IGSF3: variants seen among roughly 807,000 people sequenced by gnomAD.
IGSF3 encodes glu-Trp-Ile EWI motif-containing protein 3.
Under a neutral mutation model 114.4 loss-of-function variants are expected in IGSF3, and 23 were observed. The observed-to-expected ratio is 0.20, with a 90% CI of 0.14 to 0.28. IGSF3 has a LOEUF of 0.28. Among genes scored for constraint, IGSF3 ranks in the 10% least tolerant of loss-of-function variants. The pLI, the probability that IGSF3 is intolerant of heterozygous loss-of-function variation, is 1.00. For missense variants in IGSF3, 1,172 were observed against 1,591.5 expected (o/e 0.74, Z 4.48); for synonymous variants, 571 against 645.2 (o/e 0.88, Z 1.74).
Position 116,608,067 on chromosome 1 carries a change from A to T in IGSF3, c.1097T>A (p.Leu366His). 6.2e-7 allele frequency: 1 copy of T among 1,613,790 alleles called. No individual in the cohort carries two copies. The highest frequency in any genetic ancestry group is 1.1e-5 in the South Asian group (1 of 91,058). Residue 366 changes from leucine to histidine, a missense_variant, in exon 5 of 11, where the codon CTC (leucine) becomes CAC (histidine). Leu to His is a moderately conservative substitution (Grantham distance 99). Around this residue, in one of 3 missense-constraint regions of IGSF3, gnomAD observed 736 missense variants for 1,042.0 expected, o/e 0.71. Coordinates refer to ENST00000369486, the MANE Select transcript of IGSF3 (RefSeq NM_001007237.3). ...GTATTTCCCGCTATCTTCCTGGCGG[A>T]GGTGGTAGATCTTCAGCACAAAGAC... Reference protein sequence around the residue: ...DSVFVLKIYHLRQEDSGKYNC... With the variant: ...DSVFVLKIYHHRQEDSGKYNC...
At chr1:116,581,199 G>A (rs551248627) in intron 9 of IGSF3, among the ~76,000 whole-genome samples, 1 of 152,212 alleles carries the variant, frequency 6.6e-6, no homozygotes, top group East Asian at 1.9e-4. Context: ...GATGTCTCAG[G>A]AGGATGTACG....
Position 116,577,268 on chromosome 1 carries a change from G to C in IGSF3, c.*44C>G. ...CTGTCCAATCACAGAGAAAGGGAGAGCCTCAGCTCCTCCGTGGCCAACATC... is the reference window on the plus strand; with the variant it reads ...CTGTCCAATCACAGAGAAAGGGAGACCCTCAGCTCCTCCGTGGCCAACATC... On this transcript the variant is annotated 3_prime_UTR_variant, in exon 11 of 11. Coordinates refer to ENST00000369486, the MANE Select transcript of IGSF3 (RefSeq NM_001007237.3). The surrounding 1 kb of genome is among the most constrained non-coding windows in gnomAD (Gnocchi z 5.7). 6.2e-7 allele frequency: 1 copy of C among 1,603,666 alleles called. No individual in the cohort carries two copies. The highest frequency in any genetic ancestry group is 1.3e-5 in the African/African-American group (1 of 74,748).
intron 2 of IGSF3, among the ~76,000 whole-genome samples, chr1:116,660,915 G>A (rs1267341046): frequency 6.6e-6 from 1 of 152,160 alleles, no homozygotes; most frequent in Non-Finnish European, 1.5e-5. Context: ...TGTTTTCAAG[G>A]GAAAAGTGTC....
chr1:116,600,183 A>T lies in IGSF3; in HGVS notation c.1787T>A (p.Val596Glu), dbSNP rs530206554. ...PVGTVEFHDLVTFTRDGGVQW... is the reference protein window; with the variant it reads ...PVGTVEFHDLETFTRDGGVQW... ...GACCCCTCCGTCCCGGGTGAAGGTC[A>T]CCAAGTCATGGAACTCCACCGTGCC... The change falls in exon 7 of 11, where the codon GTG (valine) becomes GAG (glutamate). Residue 596 changes from valine (V) to glutamate (E), a missense_variant. Physicochemically the swap from Val to Glu is moderately radical, Grantham distance 121. Transcript: ENST00000369486. The surrounding 1 kb of genome is among the most constrained non-coding windows in gnomAD (Gnocchi z 5.5). 1 of 1,614,144 alleles carries T rather than the reference A, an allele frequency of 6.2e-7. No individual in the cohort carries two copies. Among genetic ancestry groups the T allele is most frequent in the East Asian group, 2.2e-5 (1 of 44,876 alleles).
Position 116,657,735 on chromosome 1 carries a change from G to C in IGSF3, c.43+8549C>G, listed in dbSNP as rs1261309993. 2.0e-5 allele frequency among the ~76,000 whole-genome samples: 3 copies of C among 152,180 alleles called. No individual in the cohort carries two copies. Among genetic ancestry groups the C allele is most frequent in the Non-Finnish European group, 4.4e-5 (3 of 68,042 alleles). ...TGTACCCAGTGCCCTGCCGAGAGCA[G>C]AGACAGTGTTCTCAGAGTTGCTATC... On this transcript the variant is annotated intron_variant, in intron 2 of 10. Coordinates refer to ENST00000369486, the MANE Select transcript of IGSF3 (RefSeq NM_001007237.3). This position sits in a 1 kb window ranked among gnomAD's most constrained non-coding sequence, Gnocchi z 4.2.
Position 116,584,942 on chromosome 1 carries a change from T to A in IGSF3, c.2551A>T (p.Met851Leu). 1 of 1,612,832 alleles carries A rather than the reference T, an allele frequency of 6.2e-7. No individual in the cohort carries two copies. Among genetic ancestry groups the A allele is most frequent in the Non-Finnish European group, 8.5e-7 (1 of 1,178,882 alleles). The part of the protein sequence containing the change: ...LNRTSITSQL[M>L]VEWFVWKPNH... ...GGCTTCCATACAAACCATTCCACCA[T>A]GAGCTGGGAGGTTATGCTGGTGCGG... Residue 851 changes from methionine to leucine, a missense_variant, in exon 9 of 11, where the codon ATG (methionine) becomes TTG (leucine). Met to Leu is a conservative substitution (Grantham distance 15). Coordinates refer to ENST00000369486, the MANE Select transcript of IGSF3 (RefSeq NM_001007237.3). The surrounding 1 kb of genome is among the most constrained non-coding windows in gnomAD (Gnocchi z 5.8).
chr1:116,638,807 T>A lies in IGSF3; in HGVS notation c.44-22350A>T, dbSNP rs556935675. Among the ~76,000 whole-genome samples the A allele has an allele frequency of 8.4e-4, 128 of 152,320 alleles. 2 individuals carry two copies. Among genetic ancestry groups the A allele is most frequent in the African/African-American group, 3.0e-3 (125 of 41,574 alleles). On this transcript the variant is annotated intron_variant, in intron 2 of 10. Coordinates refer to ENST00000369486, the MANE Select transcript of IGSF3 (RefSeq NM_001007237.3). The surrounding 1 kb of genome is among the most constrained non-coding windows in gnomAD (Gnocchi z 4.1). The stretch of plus-strand genomic sequence containing the variant: ...CCTAATTGCTCTATATGTGTTACAA[T>A]GTTTAACCCTCACAACTACAACAGG...
rs985220530 is a variant in IGSF3 at position 116,579,050 on chromosome 1, G to A, written c.3334+342C>T. The stretch of plus-strand genomic sequence containing the variant: ...GTGAGTCTGAAACGCTTGCTAATTC[G>A]CTAAAGACTAGTTCCAATATTCTAA... On this transcript the variant is annotated intron_variant, in intron 10 of 10. Coordinates refer to ENST00000369486, the MANE Select transcript of IGSF3 (RefSeq NM_001007237.3). The surrounding 1 kb of genome is among the most constrained non-coding windows in gnomAD (Gnocchi z 6.4). Among the ~76,000 whole-genome samples, 3 of 152,174 alleles carry A rather than the reference G, an allele frequency of 2.0e-5. No homozygotes were observed. Among genetic ancestry groups the A allele is most frequent in the East Asian group, 3.9e-4 (2 of 5,188 alleles).
At position 116,587,429 on chromosome 1, in the gene IGSF3, G is replaced by A. The variant is rs774564749; in HGVS notation, c.2440+1265C>T. Among the ~76,000 whole-genome samples, 93 of 152,134 alleles carry A rather than the reference G, an allele frequency of 6.1e-4. 1 individual carries two copies. The highest frequency in any genetic ancestry group is 1.2e-3 in the Non-Finnish European group (81 of 68,024). On this transcript the variant is annotated intron_variant, in intron 8 of 10. Transcript: ENST00000369486. ...AAATGAGCTAGGAATCCCCCTTCAC[G>A]GAAGAGCAAGACAAATGAATATCTA...
chr1:116,620,304 C>T lies in IGSF3; in HGVS notation c.44-3847G>A, dbSNP rs571721218. 8.5e-5 allele frequency among the ~76,000 whole-genome samples: 13 copies of T among 152,320 alleles called. No homozygotes were observed. The South Asian group carries it at 2.7e-3, about 32-fold the overall frequency. On this transcript the variant is annotated intron_variant, in intron 2 of 10. Coordinates refer to ENST00000369486, the MANE Select transcript of IGSF3 (RefSeq NM_001007237.3). Reference sequence around the variant, plus strand: ...GGAGTTTTCCGCCCCAGCCTTAGACCTCCAAGGACAAGAAGGGGACTGCAG... The same window carrying T: ...GGAGTTTTCCGCCCCAGCCTTAGACTTCCAAGGACAAGAAGGGGACTGCAG...
chr1:116,617,154 A>T (rs564219502), intron 2 of IGSF3: 2 of 246,484 alleles, frequency 8.1e-6, no homozygotes, highest in Non-Finnish European at 1.3e-5. Flanking sequence ...GGGGGAACTA[A>T]CAGTGCCCAG....
At position 116,579,416 on chromosome 1, in the gene IGSF3, T is replaced by C; in HGVS notation, c.3310A>G (p.Ile1104Val). The C allele has an allele frequency of 4.4e-6, 7 of 1,584,538 alleles. No individual in the cohort carries two copies. Among genetic ancestry groups the C allele is most frequent in the Non-Finnish European group, 5.2e-6 (6 of 1,163,866 alleles). ...YRLTEEESAPIGIRVLDTSPT... is the reference protein window; with the variant it reads ...YRLTEEESAPVGIRVLDTSPT... ...CTTGTATCTAGAACACGGATGCCGA[T>C]GGGGGCTGACTCCTCCTCCGTCAGC... Residue 1104 changes from isoleucine (I) to valine (V), a missense_variant, in exon 10 of 11, where the codon ATC becomes GTC. Transcript: ENST00000369486. This position sits in a 1 kb window ranked among gnomAD's most constrained non-coding sequence, Gnocchi z 6.4.
chr1:116,625,350 C>T lies in IGSF3; in HGVS notation c.44-8893G>A, dbSNP rs1406327480. Among the ~76,000 whole-genome samples the T allele has an allele frequency of 6.6e-6, 1 of 152,208 alleles. No individual in the cohort carries two copies. Among genetic ancestry groups the T allele is most frequent in the Non-Finnish European group, 1.5e-5 (1 of 68,034 alleles). ...CAAAAAGCCTTCAAAAAAGCAGTGA[C>T]ATCTGAATTGGGTCCCAAAGCACAA... is the stretch of plus-strand genomic sequence containing the variant. On this transcript the variant is annotated intron_variant, in intron 2 of 10. Coordinates refer to ENST00000369486, the MANE Select transcript of IGSF3 (RefSeq NM_001007237.3). The surrounding 1 kb of genome is among the most constrained non-coding windows in gnomAD (Gnocchi z 4.7).
Position 116,588,588 on chromosome 1 carries a change from C to G in IGSF3, c.2440+106G>C, listed in dbSNP as rs1659951531. The G allele has an allele frequency of 2.8e-6, 3 of 1,067,424 alleles. No homozygotes were observed. In the South Asian group the frequency reaches 4.9e-5, roughly 17 times the overall value. The allele number at this position is 1,067,424 out of a possible 1,614,324, so 66.1% of individuals were successfully genotyped here. A position where few individuals can be genotyped will look rare whatever the true frequency, so the allele number is the denominator to read the frequency against. ...TACCTGCACCCATACTCAGCATGCA[C>G]CTTGCAGACAGTCTCTCCACACCAG... is the stretch of plus-strand genomic sequence containing the variant. On this transcript the variant is annotated intron_variant, in intron 8 of 10. Transcript: ENST00000369486. The surrounding 1 kb of genome is among the most constrained non-coding windows in gnomAD (Gnocchi z 4.9).
rs1381132879 is a variant in IGSF3, at chr1:116,598,371, A to G, written c.2029+1570T>C. Among the ~76,000 whole-genome samples, 4 of 152,198 alleles carry G rather than the reference A, an allele frequency of 2.6e-5. No homozygotes were observed. Among genetic ancestry groups the G allele is most frequent in the Admixed American group, 2.0e-4 (3 of 15,276 alleles). ...TCACATAAAATGGGGTCTCTGCTTA[A>G]CCTTCCATTAACCTGAAAATCCATT... is the stretch of plus-strand genomic sequence containing the variant. On this transcript the variant is annotated intron_variant, in intron 7 of 10. Transcript: ENST00000369486. The surrounding 1 kb of genome is among the most constrained non-coding windows in gnomAD (Gnocchi z 4.3).
Position 116,657,710 on chromosome 1 carries a change from T to G in IGSF3, c.43+8574A>C, listed in dbSNP as rs1648923954. On this transcript the variant is annotated intron_variant, in intron 2 of 10. Coordinates refer to ENST00000369486, the MANE Select transcript of IGSF3 (RefSeq NM_001007237.3). The surrounding 1 kb of genome is among the most constrained non-coding windows in gnomAD (Gnocchi z 4.2). ...GCCATGGCACCAGCGATGCCACAGGTGTACCCAGTGCCCTGCCGAGAGCAG... is the reference window on the plus strand; with the variant it reads ...GCCATGGCACCAGCGATGCCACAGGGGTACCCAGTGCCCTGCCGAGAGCAG... Among the ~76,000 whole-genome samples, 1 of 152,098 alleles carries G rather than the reference T, an allele frequency of 6.6e-6. No homozygotes were observed. The highest frequency in any genetic ancestry group is 6.5e-5 in the Admixed American group (1 of 15,274).
chr1:116,581,023 T>C (rs1212979491), intron 9 of IGSF3, among the ~76,000 whole-genome samples: 1 of 152,268 alleles, frequency 6.6e-6, no homozygotes, highest in Non-Finnish European at 1.5e-5. Flanking sequence ...TAATTTGTTA[T>C]GGTAGCCCTG....
At chr1:116,663,715 G>C (rs879523956) in intron 2 of IGSF3, among the ~76,000 whole-genome samples, 5 of 152,082 alleles carry the variant, frequency 3.3e-5, no homozygotes, top group Non-Finnish European at 5.9e-5. Flanking sequence ...GGTCTGTCAT[G>C]TTGAGGGAGA....
rs536233140 is a variant in IGSF3, at chr1:116,598,756, G to A, written c.2029+1185C>T. Among the ~76,000 whole-genome samples, 5 of 152,302 alleles carry A rather than the reference G, an allele frequency of 3.3e-5. No homozygotes were observed. Among genetic ancestry groups the A allele is most frequent in the South Asian group, 2.1e-4 (1 of 4,826 alleles). ...GTTCCAGCCGAGGCATGGGCTGGGC[G>A]AGGGAAGGAACACGGGAGCCTACTG... On this transcript the variant is annotated intron_variant, in intron 7 of 10. Coordinates refer to ENST00000369486, the MANE Select transcript of IGSF3 (RefSeq NM_001007237.3). This position sits in a 1 kb window ranked among gnomAD's most constrained non-coding sequence, Gnocchi z 4.3.
Sources: gnomAD v4.1 joint callset for allele counts (sites outside exome capture counted in the v4.1 genomes callset) on GRCh38, gnomAD v4.1.1 for gene constraint, gnomAD v4.1.1 regional missense constraint, Gnocchi (gnomAD v3.1) non-coding constraint, MANE v1.5 for transcripts, NCBI Gene and HGNC (gene_info 2026-07-23, HGNC 2026-07-21) for gene names.